The following LIN28B variants were observed in gnomAD, a reference collection of about 807,000 sequenced individuals.
LIN28B encodes protein lin-28 homolog B.
In LIN28B, 5 loss-of-function variants were observed where a neutral mutation model predicts 21.9. The ratio of observed to expected loss-of-function variants is 0.23; its 90% CI spans 0.12 to 0.48. The LOEUF is 0.48. LIN28B is among the 20% of genes least tolerant of loss of function. The probability of loss-of-function intolerance (pLI) is 0.98; values close to 1 mark genes in which losing one functional copy is unlikely to be tolerated. For missense variants in LIN28B, 245 were observed against 310.5 expected (o/e 0.79, Z 1.58); for synonymous variants, 109 against 111.3 (o/e 0.98, Z 0.13).
chr6:105,020,747 C>CTTTTTTTTTTTTTTTTTTTTTTTTTT (rs1176851045), intron 2 of LIN28B, among the ~76,000 whole-genome samples: 1 of 85,386 alleles, frequency 1.2e-5, no homozygotes, highest in African/African-American at 5.5e-5. Flanking sequence ...TCATTCCACT[C>CTTTTTTTTTTTTTTTTTTTTTTTTTT]TTTTTTTTTT....
Position 105,082,027 on chromosome 6 carries a change from T to C in LIN28B, c.*3244T>C, listed in dbSNP as rs1305635120. On this transcript the variant is annotated 3_prime_UTR_variant, in exon 4 of 4. Transcript: ENST00000345080. ...GTTATCTCTTGACCTCACCCTCATG[T>C]CAACACAAATGTAATTCCTAAACAA... 1 of 152,612 alleles carries C rather than the reference T, an allele frequency of 6.6e-6. No individual in the cohort carries two copies. The allele number at this position is 152,612 out of a possible 1,614,324, so 9.5% of individuals were successfully genotyped here.
At chr6:104,960,420 C>A (rs1769709359) in intron 2 of LIN28B, among the ~76,000 whole-genome samples, 1 of 151,868 alleles carries the variant, frequency 6.6e-6, no homozygotes, top group Non-Finnish European at 1.5e-5. Flanking sequence ...ATTTTAGAGG[C>A]CTTTTTAGTT....
intron 2 of LIN28B, chr6:104,940,325 TC>T: frequency 6.4e-6 from 1 of 157,388 alleles, no homozygotes. Context: ...TCGTCCCGCC[TC>T]CCTCCAGTCG....
chr6:104,985,003 T>G (rs554823071), intron 2 of LIN28B, among the ~76,000 whole-genome samples: 1 of 152,328 alleles, frequency 6.6e-6, no homozygotes, highest in African/African-American at 2.4e-5. Flanking sequence ...AAGCCCTGAT[T>G]TGTAGCATTT....
intron 2 of LIN28B, among the ~76,000 whole-genome samples, chr6:104,996,096 A>G (rs771118813): frequency 3.9e-5 from 6 of 152,112 alleles, no homozygotes; most frequent in Non-Finnish European, 8.8e-5. Flanking sequence ...TAGCATCTCA[A>G]TAAGAGGGCG....
chr6:104,953,723 G>A (rs1335526704), upstream of LIN28B, among the ~76,000 whole-genome samples: 1 of 152,066 alleles, frequency 6.6e-6, no homozygotes, highest in African/African-American at 2.4e-5. Context: ...CTCAGGTCTC[G>A]GCCGCCTGGG....
Position 105,051,346 on chromosome 6 carries a change from G to A in LIN28B, c.383+24864G>A, listed in dbSNP as rs537647929. ...CCCAGCTACTCAGGAGGGTAAGGCAGGAGAGTCACTTGAACCTGGGAGGTG... is the reference window on the plus strand; with the variant it reads ...CCCAGCTACTCAGGAGGGTAAGGCAAGAGAGTCACTTGAACCTGGGAGGTG... On this transcript the variant is annotated intron_variant, in intron 3 of 3. Transcript: ENST00000345080. 1.8e-4 allele frequency among the ~76,000 whole-genome samples: 28 copies of A among 151,412 alleles called. 2 individuals are homozygous for A. The highest frequency in any genetic ancestry group is 6.9e-4 in the African/African-American group (28 of 40,802).
intron 2 of LIN28B, chr6:104,941,064 T>G (rs990405463): frequency 1.3e-5 from 2 of 152,034 alleles, no homozygotes; most frequent in Admixed American, 6.5e-5. Context: ...CGGGTGTGCG[T>G]GCGGGTGCGG....
At chr6:104,983,829 G>C (rs1181245981) in intron 2 of LIN28B, among the ~76,000 whole-genome samples, 1 of 152,144 alleles carries the variant, frequency 6.6e-6, no homozygotes. Context: ...ACTCACCTCA[G>C]CCTCCCAAAG....
At chr6:105,069,533 TG>T (rs2114413845) in intron 3 of LIN28B, among the ~76,000 whole-genome samples, 2 of 151,708 alleles carry the variant, frequency 1.3e-5, no homozygotes, top group African/African-American at 4.8e-5. Context: ...AAGACCAGAC[TG>T]GGTAACAAAG....
chr6:105,002,535 A>G (rs1354700114), intron 2 of LIN28B, among the ~76,000 whole-genome samples: 1 of 152,108 alleles, frequency 6.6e-6, no homozygotes, highest in South Asian at 2.1e-4. Context: ...AAAATATTTG[A>G]CTCCACAGTT....
intron 3 of LIN28B, among the ~76,000 whole-genome samples, chr6:105,062,560 C>G (rs1217725868): frequency 6.9e-6 from 1 of 145,142 alleles, no homozygotes; most frequent in African/African-American, 2.9e-5. Flanking sequence ...TTAACAAACT[C>G]AAATGTTTCT....
chr6:105,047,787 A>C (rs1423655952), intron 3 of LIN28B, among the ~76,000 whole-genome samples: 2 of 152,114 alleles, frequency 1.3e-5, no homozygotes, highest in African/African-American at 4.8e-5. Flanking sequence ...GCAATTGTGA[A>C]TGGGAGTTCA....
chr6:104,951,429 G>A (rs1778219211), intron 3 of LIN28B, among the ~76,000 whole-genome samples: 1 of 152,038 alleles, frequency 6.6e-6, no homozygotes, highest in Admixed American at 6.6e-5. Context: ...TGACATAGGG[G>A]TGATACTCTA....
chr6:105,048,339 T>C (rs1461594948), intron 3 of LIN28B, among the ~76,000 whole-genome samples: 2 of 152,256 alleles, frequency 1.3e-5, no homozygotes, highest in Non-Finnish European at 2.9e-5. Flanking sequence ...TTGCATATGT[T>C]GAACCAGCCT....
chr6:104,964,569 G>T (rs1301777399), intron 2 of LIN28B, among the ~76,000 whole-genome samples: 1 of 150,626 alleles, frequency 6.6e-6, no homozygotes, highest in Non-Finnish European at 1.5e-5. Context: ...AGATGGCATT[G>T]TACCATATAC....
At chr6:105,037,103 A>T (rs78393444) in intron 3 of LIN28B, among the ~76,000 whole-genome samples, 1 of 152,168 alleles carries the variant, frequency 6.6e-6, no homozygotes, top group Non-Finnish European at 1.5e-5. Flanking sequence ...ATGACATCCA[A>T]TCTGTTCCTG....
At chr6:104,956,934 G>A (rs535483197), upstream of LIN28B, 2 of 452,098 alleles carry the variant, frequency 4.4e-6, no homozygotes, top group Admixed American at 4.2e-5. Context: ...TGAGTTTTTC[G>A]TGTTCATTCA....
chr6:104,985,514 TATG>T (rs2114258167), intron 2 of LIN28B, among the ~76,000 whole-genome samples: 1 of 152,348 alleles, frequency 6.6e-6, no homozygotes, highest in South Asian at 2.1e-4. Flanking sequence ...CATATCTTGA[TATG>T]ATACAGTTTT....
Sources: gnomAD v4.1 joint callset for allele counts (sites outside exome capture counted in the v4.1 genomes callset) on GRCh38, gnomAD v4.1.1 for gene constraint, MANE v1.5 for transcripts, NCBI Gene and HGNC (gene_info 2026-07-23, HGNC 2026-07-21) for gene names.